The following KHDRBS2 variants were observed in gnomAD, a reference collection of about 807,000 sequenced individuals.
KHDRBS2 encodes the protein KH domain-containing, RNA-binding, signal transduction-associated protein 2.
Under a neutral mutation model 44.3 loss-of-function variants are expected in KHDRBS2, and 26 were observed. The observed-to-expected ratio is 0.59, with a 90% CI of 0.43 to 0.81. The LOEUF is 0.81. Ranked by LOEUF, KHDRBS2 falls within the 40% of genes least tolerant of loss-of-function variation. The pLI is 0.00. For missense variants in KHDRBS2, 476 were observed against 433.1 expected, an observed-to-expected ratio of 1.10 and a Z score of -0.88; for synonymous variants, 194 against 151.1, an observed-to-expected ratio of 1.28 and a Z score of -2.08.
At chr6:62,136,082 G>T (rs938905848) in intron 2 of KHDRBS2, among the ~76,000 whole-genome samples, 3 of 151,056 alleles carry the variant, frequency 2.0e-5, no homozygotes, top group African/African-American at 7.3e-5. Context: ...GGAAAAGAAA[G>T]GTAACTAGGT....
chr6:62,218,203 A>G (rs990086314), intron 1 of KHDRBS2, among the ~76,000 whole-genome samples: 1 of 151,898 alleles, frequency 6.6e-6, no homozygotes, highest in Admixed American at 6.6e-5. Context: ...CCCTCAATGG[A>G]TGGTAGCCAG....
At chr6:61,633,230 A>G in the KHDRBS2 span, among the ~76,000 whole-genome samples, 17 of 152,200 alleles carry the variant, frequency 1.1e-4, no homozygotes, top group South Asian at 2.1e-4. Context: ...ACAGGGGGGG[A>G]AAATACAATA....
chr6:62,257,174 T>G (rs375072671), intron 1 of KHDRBS2, among the ~76,000 whole-genome samples: 61 of 152,010 alleles, frequency 4.0e-4, no homozygotes, highest in African/African-American at 1.5e-3. Context: ...GTAGATCTTC[T>G]GTCCCAATCT....
chr6:61,627,077 C>G, the KHDRBS2 span, among the ~76,000 whole-genome samples: 24 of 151,310 alleles, frequency 1.6e-4, no homozygotes. Context: ...CACGGTGAAA[C>G]CCCGTCTCTA....
At chr6:61,795,991 C>T (rs1785296928) in intron 6 of KHDRBS2, among the ~76,000 whole-genome samples, 1 of 152,050 alleles carries the variant, frequency 6.6e-6, no homozygotes, top group South Asian at 2.1e-4. Flanking sequence ...TGGAATAAAA[C>T]AGAATGGGTG....
intron 6 of KHDRBS2, among the ~76,000 whole-genome samples, chr6:61,867,076 GC>G (rs1319776843): frequency 2.6e-5 from 4 of 152,126 alleles, no homozygotes; most frequent in African/African-American, 9.7e-5. Flanking sequence ...TATCTTTTCA[GC>G]AGAGCCCCAC....
chr6:62,108,422 G>GT (rs1262387047), intron 2 of KHDRBS2, among the ~76,000 whole-genome samples: 1 of 152,110 alleles, frequency 6.6e-6, no homozygotes, highest in African/African-American at 2.4e-5. Context: ...AGTTAGAATG[G>GT]CGATCATTAA....
chr6:61,839,405 G>GA (rs1278626334), intron 6 of KHDRBS2, among the ~76,000 whole-genome samples: 3 of 151,166 alleles, frequency 2.0e-5, no homozygotes, highest in Admixed American at 1.3e-4. Flanking sequence ...GTAACAGGGT[G>GA]AAAAAAACGA....
intron 1 of KHDRBS2, among the ~76,000 whole-genome samples, chr6:62,254,720 C>T (rs1837092775): frequency 6.6e-6 from 1 of 151,984 alleles, no homozygotes. Flanking sequence ...TAGACAGCAG[C>T]CAGATGCGGG....
intron 4 of KHDRBS2, among the ~76,000 whole-genome samples, chr6:61,951,021 G>C (rs1167856170): frequency 6.6e-6 from 1 of 152,012 alleles, no homozygotes; most frequent in Admixed American, 6.6e-5. Flanking sequence ...CATGAGGCAT[G>C]AGATGGAATG....
chr6:62,210,128 G>C (rs2150144276), intron 1 of KHDRBS2, among the ~76,000 whole-genome samples: 1 of 152,126 alleles, frequency 6.6e-6, no homozygotes, highest in South Asian at 2.1e-4. Flanking sequence ...GAAAATATCT[G>C]TGCTTTTGTT....
At position 61,762,418 on chromosome 6, in the gene KHDRBS2, T is replaced by C. The variant is rs111694554; in HGVS notation, c.811-29654A>G. On this transcript the variant is annotated intron_variant, in intron 6 of 8. Coordinates refer to ENST00000281156, the MANE Select transcript of KHDRBS2 (RefSeq NM_152688.4). ...CCACAATGTTGGAGATAGGGTCTAA[T>C]GGGAGGTGTTTGAGTCATGGGGGCA... Among the ~76,000 whole-genome samples, 1,398 of 152,292 alleles carry C rather than the reference T, an allele frequency of 9.2e-3. 14 individuals carry two copies. Among genetic ancestry groups the C allele is most frequent in the Middle Eastern group, 0.027 (8 of 294 alleles).
At chr6:61,553,516 T>C in the KHDRBS2 span, among the ~76,000 whole-genome samples, 1 of 152,168 alleles carries the variant, frequency 6.6e-6, no homozygotes, top group African/African-American at 2.4e-5. Context: ...AGTTCTGCTT[T>C]GATTTTGGTT....
intron 2 of KHDRBS2, among the ~76,000 whole-genome samples, chr6:62,054,346 T>C (rs1193177368): frequency 6.6e-6 from 1 of 152,032 alleles, no homozygotes; most frequent in Non-Finnish European, 1.5e-5. Context: ...AATAGAGCAA[T>C]GGAATCCAGA....
At chr6:61,619,923 A>G in the KHDRBS2 span, among the ~76,000 whole-genome samples, 1 of 152,192 alleles carries the variant, frequency 6.6e-6, no homozygotes, top group Non-Finnish European at 1.5e-5. Flanking sequence ...AAAATGTCTA[A>G]ATTTTAATCA....
chr6:61,766,114 T>TC (rs1410007237), intron 6 of KHDRBS2, among the ~76,000 whole-genome samples: 1 of 151,964 alleles, frequency 6.6e-6, no homozygotes, highest in Admixed American at 6.6e-5. Flanking sequence ...TTCAGGCTTT[T>TC]TTTTTGCTGG....
At chr6:61,666,403 C>A in the KHDRBS2 span, among the ~76,000 whole-genome samples, 1 of 151,208 alleles carries the variant, frequency 6.6e-6, no homozygotes, top group South Asian at 2.1e-4. Flanking sequence ...GTTTCTAGAC[C>A]CTTCCTTCTA....
intron 2 of KHDRBS2, among the ~76,000 whole-genome samples, chr6:62,085,915 T>A (rs1798294004): frequency 6.6e-6 from 1 of 152,126 alleles, no homozygotes; most frequent in Admixed American, 6.5e-5. Context: ...ACAAAGTGGA[T>A]TTCCTTTGGG....
At chr6:61,854,147 G>GT (rs5876755) in intron 6 of KHDRBS2, among the ~76,000 whole-genome samples, 77,030 of 151,856 alleles carry the variant, frequency 0.51, 19,770 homozygotes, top group South Asian at 0.6. Context: ...TTGAAAAATC[G>GT]TGTAGAATTC....
Sources: gnomAD v4.1 joint callset for allele counts (sites outside exome capture counted in the v4.1 genomes callset) on GRCh38, gnomAD v4.1.1 for gene constraint, MANE v1.5 for transcripts, NCBI Gene and HGNC (gene_info 2026-07-23, HGNC 2026-07-21) for gene names.